Variants in NPEPPS observed in about 807,000 individuals in gnomAD.
NPEPPS encodes aminopeptidase puromycin sensitive.
A neutral mutation model predicts 115.5 loss-of-function variants in NPEPPS; 14 were observed. The ratio of observed to expected loss-of-function variants is 0.12; its 90% CI spans 0.08 to 0.19. The LOEUF is 0.19. NPEPPS is among the 10% of genes least tolerant of loss of function. The probability of loss-of-function intolerance (pLI) is 1.00; values close to 1 mark genes in which losing one functional copy is unlikely to be tolerated. For synonymous variants in NPEPPS, 285 were observed against 390.6 expected (o/e 0.73, Z 3.19); for missense variants, 523 against 1,110.8 (o/e 0.47, Z 7.52).
chr17:47,599,429 T>C (rs942619010), intron 13 of NPEPPS, among the ~76,000 whole-genome samples: 1 of 152,266 alleles, frequency 6.6e-6, no homozygotes, highest in Non-Finnish European at 1.5e-5. Context: ...CACAAATGAC[T>C]GCATATTGTT....
intron 1 of NPEPPS, among the ~76,000 whole-genome samples, chr17:47,532,924 A>G (rs1907928485): frequency 6.6e-6 from 1 of 152,202 alleles, no homozygotes; most frequent in Admixed American, 6.6e-5. Context: ...ATCTGTAAAT[A>G]GAATGTTAGT....
intron 22 of NPEPPS, among the ~76,000 whole-genome samples, chr17:47,621,146 A>G (rs1040154295): frequency 7.0e-6 from 1 of 143,858 alleles, no homozygotes; most frequent in East Asian, 2.1e-4. Context: ...GTTTCATTGC[A>G]CTCTAGCCTG....
intron 2 of NPEPPS, among the ~76,000 whole-genome samples, chr17:47,564,078 G>A (rs868680916): frequency 4.6e-5 from 7 of 151,798 alleles, no homozygotes; most frequent in African/African-American, 7.2e-5. Context: ...GATTACAGGC[G>A]CACGCCACCA....
At chr17:47,581,264 G>T (rs1003273735) in intron 4 of NPEPPS, 20 of 151,946 alleles carry the variant, frequency 1.3e-4, no homozygotes, top group African/African-American at 4.6e-4. Flanking sequence ...TTTAAACCAG[G>T]TGTTCACTTT....
chr17:47,569,984 G>T (rs1213133436), intron 3 of NPEPPS, among the ~76,000 whole-genome samples: 1 of 152,176 alleles, frequency 6.6e-6, no homozygotes, highest in African/African-American at 2.4e-5. Context: ...TTCTGCGGAA[G>T]TTGGGCTACG....
At chr17:47,573,483 T>C (rs1193035061) in intron 3 of NPEPPS, among the ~76,000 whole-genome samples, 1 of 152,242 alleles carries the variant, frequency 6.6e-6, no homozygotes, top group Non-Finnish European at 1.5e-5. Flanking sequence ...AATTTGATTC[T>C]TTGTAAAAGA....
At chr17:47,574,504 A>G (rs1911387633) in intron 3 of NPEPPS, among the ~76,000 whole-genome samples, 1 of 152,214 alleles carries the variant, frequency 6.6e-6, no homozygotes. Flanking sequence ...GAAGATATGG[A>G]TTACACACAC....
chr17:47,534,579 G>A (rs1165429468), intron 1 of NPEPPS, among the ~76,000 whole-genome samples: 1 of 151,854 alleles, frequency 6.6e-6, no homozygotes, highest in African/African-American at 2.4e-5. Flanking sequence ...ATTTTTTTGA[G>A]ATGGAGTTTC....
intron 2 of NPEPPS, among the ~76,000 whole-genome samples, chr17:47,565,314 T>C (rs1910728249): frequency 6.6e-6 from 1 of 151,948 alleles, no homozygotes; most frequent in Admixed American, 6.6e-5. Context: ...ACTGAGACCA[T>C]CCTGGCCAAC....
At chr17:47,615,670 TG>T (rs1395735628) in intron 19 of NPEPPS, among the ~76,000 whole-genome samples, 1 of 152,142 alleles carries the variant, frequency 6.6e-6, no homozygotes, top group African/African-American at 2.4e-5. Context: ...ATGTATGAAA[TG>T]GGATATTTGA....
chr17:47,595,815 C>T (rs1912829211), intron 12 of NPEPPS, among the ~76,000 whole-genome samples: 1 of 152,054 alleles, frequency 6.6e-6, no homozygotes, highest in African/African-American at 2.4e-5. Flanking sequence ...AACTCCATCT[C>T]TACTAAAAAT....
chr17:47,578,517 A>G (rs1259815413), intron 3 of NPEPPS, among the ~76,000 whole-genome samples: 1 of 151,970 alleles, frequency 6.6e-6, no homozygotes, highest in Non-Finnish European at 1.5e-5. Context: ...ATTACTAGAT[A>G]ATAATTATAA....
At position 47,601,645 on chromosome 17, in the gene NPEPPS, C is replaced by A; in HGVS notation, c.1638C>A (p.Ile546=). 6.2e-7 allele frequency: 1 copy of A among 1,612,600 alleles called. No homozygotes were observed. The highest frequency in any genetic ancestry group is 8.5e-7 in the Non-Finnish European group (1 of 1,179,518). The change falls in exon 15 of 23, where the codon ATC becomes ATA. Residue 546 remains isoleucine, a synonymous_variant. Transcript: ENST00000322157. ...CCCAGTGGATGGTCCCTATCACAAT[C>A]TCTACTAGTGAAGACCCCAACCAGG... ...DCPQWMVPIT[I]STSEDPNQAK... is the part of the protein sequence containing the mutation.
upstream of NPEPPS, chr17:47,531,098 C>T (rs1907707798): frequency 7.9e-6 from 6 of 761,852 alleles, 1 homozygote; most frequent in South Asian, 1.6e-4. Context: ...CGCACGCAGC[C>T]GCCGCCACCA....
At chr17:47,533,664 A>G (rs1211226646) in intron 1 of NPEPPS, among the ~76,000 whole-genome samples, 1 of 152,142 alleles carries the variant, frequency 6.6e-6, no homozygotes, top group Admixed American at 6.6e-5. Flanking sequence ...GGATAGAACA[A>G]CAAGCAGTGA....
At position 47,623,107 on chromosome 17, in the gene NPEPPS, TAAA is replaced by T. The variant is rs1183212431; in HGVS notation, c.*1192_*1194del. ...CCCTACCTTTTTTTTCTTTTTTTCT[TAAA>T]AAAATATTTTGTGTTATTAACAGAA... On this transcript the variant is annotated 3_prime_UTR_variant, in exon 23 of 23. Transcript: ENST00000322157. 3.9e-6 allele frequency: 1 copy of T among 257,732 alleles called. No individual in the cohort carries two copies. Among genetic ancestry groups the T allele is most frequent in the Non-Finnish European group, 7.6e-6 (1 of 131,646 alleles). 16.0% of individuals were successfully genotyped at this position (257,732 alleles called of 1,614,324 possible). A position where few individuals can be genotyped will look rare whatever the true frequency, so the allele number is the denominator to read the frequency against.
chr17:47,616,784 CAA>C (rs567081295), intron 19 of NPEPPS, among the ~76,000 whole-genome samples: 16 of 85,530 alleles, frequency 1.9e-4, no homozygotes, highest in Admixed American at 5.2e-4. Flanking sequence ...GACTCCATCT[CAA>C]AAAAAAAAAA....
intron 1 of NPEPPS, among the ~76,000 whole-genome samples, chr17:47,524,309 C>CAA (rs200949448): frequency 2.4e-4 from 35 of 145,224 alleles, no homozygotes; most frequent in Admixed American, 1.2e-3. Flanking sequence ...AACTTTGTCT[C>CAA]AAAAAAAAAA....
At chr17:47,579,071 T>C (rs1911705498) in intron 3 of NPEPPS, among the ~76,000 whole-genome samples, 2 of 152,176 alleles carry the variant, frequency 1.3e-5, no homozygotes, top group Admixed American at 1.3e-4. Flanking sequence ...CTATGCACAA[T>C]AGCACATATC....
Sources: allele counts gnomAD v4.1 joint callset (sites outside exome capture counted in the v4.1 genomes callset), GRCh38; gene constraint gnomAD v4.1.1; transcripts MANE v1.5; gene names NCBI Gene and HGNC (gene_info 2026-07-23, HGNC 2026-07-21).